LGALS8: variants seen among roughly 807,000 people sequenced by gnomAD.
LGALS8 encodes the protein galectin 8.
In LGALS8, 30 loss-of-function variants were observed where a neutral mutation model predicts 35.9. That is an observed-to-expected ratio of 0.83 (90% confidence interval 0.62 to 1.13). The LOEUF (loss-of-function observed/expected upper bound fraction) is 1.13, where lower values mean the gene tolerates loss of function less well. LGALS8 is among the 50% of genes most tolerant of loss of function. The pLI is 0.00. For missense variants in LGALS8, 366 were observed against 388.7 expected, an observed-to-expected ratio of 0.94 and a Z score of 0.49; for synonymous variants, 138 against 136.1, an observed-to-expected ratio of 1.01 and a Z score of -0.10.
chr1:236,541,057 T>C (rs1661959319), intron 5 of LGALS8, among the ~76,000 whole-genome samples: 1 of 152,246 alleles, frequency 6.6e-6, no homozygotes, highest in African/African-American at 2.4e-5. Flanking sequence ...ATGAACCACA[T>C]ATACAACCGT....
At position 236,549,073 on chromosome 1, in the gene LGALS8, G is replaced by C; in HGVS notation, c.*912G>C. 2.5e-6 allele frequency: 1 copy of C among 398,402 alleles called. No individual in the cohort carries two copies. Among genetic ancestry groups the C allele is most frequent in the Non-Finnish European group, 4.4e-6 (1 of 225,944 alleles). The allele number at this position is 398,402 out of a possible 1,614,324, so 24.7% of individuals were successfully genotyped here. A position where few individuals can be genotyped will look rare whatever the true frequency, so the allele number is the denominator to read the frequency against. On this transcript the variant is annotated 3_prime_UTR_variant, in exon 10 of 10. Coordinates refer to ENST00000366584, the MANE Select transcript of LGALS8 (RefSeq NM_201544.4). ...TTAGACTTCAGGCATTCATAAGGCA[G>C]GCACTATCAGAAAGTGTACGCCAAC...
chr1:236,520,851 C>G (rs1659567357), upstream of LGALS8, among the ~76,000 whole-genome samples: 1 of 152,210 alleles, frequency 6.6e-6, no homozygotes, highest in Non-Finnish European at 1.5e-5. Context: ...TTCCTGAACA[C>G]ATTTAATGCA....
chr1:236,523,884 G>T (rs974819545), upstream of LGALS8: 76 of 348,030 alleles, frequency 2.2e-4, no homozygotes, highest in Middle Eastern at 1.1e-3. Context: ...CACAGAAGGC[G>T]GGGCGCGGGG....
At position 236,551,887 on chromosome 1, in the gene LGALS8, C is replaced by T. The variant is rs1326308808; in HGVS notation, c.*3726C>T. ...GGAGCTGCCTGTATGAGGACTGGAT[C>T]AACTGCTAGTCACGTTATATCCAAA... is the stretch of plus-strand genomic sequence containing the variant. On this transcript the variant is annotated 3_prime_UTR_variant, in exon 10 of 10. Coordinates refer to ENST00000366584, the MANE Select transcript of LGALS8 (RefSeq NM_201544.4). The T allele has an allele frequency of 5.5e-6, 4 of 722,618 alleles. No individual in the cohort carries two copies. Among genetic ancestry groups the T allele is most frequent in the Non-Finnish European group, 9.6e-6 (4 of 416,128 alleles). 44.8% of individuals were successfully genotyped at this position (722,618 alleles called of 1,614,324 possible). A position where few individuals can be genotyped will look rare whatever the true frequency, so the allele number is the denominator to read the frequency against.
At chr1:236,520,555 C>T (rs1233337497), upstream of LGALS8, among the ~76,000 whole-genome samples, 5 of 152,166 alleles carry the variant, frequency 3.3e-5, no homozygotes, top group African/African-American at 1.2e-4. Context: ...GAGTCAGAGT[C>T]AGCAATGACA....
upstream of LGALS8, among the ~76,000 whole-genome samples, chr1:236,519,948 A>ATT (rs35589317): frequency 1.6e-3 from 175 of 109,442 alleles, 2 homozygotes; most frequent in African/African-American, 5.0e-3. Flanking sequence ...GTTTTGTACA[A>ATT]TTTTTTTTTT....
At chr1:236,522,409 G>A (rs958804080), upstream of LGALS8, among the ~76,000 whole-genome samples, 8 of 152,054 alleles carry the variant, frequency 5.3e-5, no homozygotes, top group East Asian at 1.4e-3. Flanking sequence ...TTTGAGACCA[G>A]CCTGGGCAAC....
At chr1:236,544,584 T>C (rs373974424) in intron 8 of LGALS8, among the ~76,000 whole-genome samples, 166 bp from the exon 9 acceptor site, 105 of 152,306 alleles carry the variant, frequency 6.9e-4, no homozygotes, top group African/African-American at 2.5e-3. Flanking sequence ...GAATGCTGAC[T>C]GGGTTTAAAA....
Position 236,552,791 on chromosome 1 carries a change from T to TA in LGALS8, c.*4636dup, listed in dbSNP as rs567759305. 16 of 152,326 alleles carry TA rather than the reference T, an allele frequency of 1.1e-4. No homozygotes were observed. Among genetic ancestry groups the TA allele is most frequent in the African/African-American group, 3.4e-4 (14 of 41,566 alleles). The allele number at this position is 152,326 out of a possible 1,614,324, so 9.4% of individuals were successfully genotyped here. ...ATCTGGACAGTACAAAGTGAATTAT[T>TA]AAAAAACCATTTGTAACTACCTAGA... On this transcript the variant is annotated 3_prime_UTR_variant, in exon 10 of 10. Coordinates refer to ENST00000366584, the MANE Select transcript of LGALS8 (RefSeq NM_201544.4).
At chr1:236,523,973 C>T, upstream of LGALS8, 1 of 380,446 alleles carries the variant, frequency 2.6e-6, no homozygotes, top group South Asian at 1.9e-5. Flanking sequence ...CCCGTAGCCG[C>T]CCACGGACGC....
intron 5 of LGALS8, 24 bp downstream of exon 5, chr1:236,540,707 G>T: frequency 6.3e-7 from 1 of 1,577,310 alleles, no homozygotes; most frequent in Admixed American, 1.9e-5. Context: ...CACAGCTTGG[G>T]GTCTTTTATG....
chr1:236,547,182 C>A (rs550768030), intron 9 of LGALS8, among the ~76,000 whole-genome samples: 1 of 152,324 alleles, frequency 6.6e-6, no homozygotes, highest in Admixed American at 6.5e-5. Context: ...CAGGGCCTCC[C>A]AGTGGCCTTC....
At chr1:236,547,960 CA>C in intron 9 of LGALS8, 51 bp from the exon 10 acceptor site, 1 of 1,538,444 alleles carries the variant, frequency 6.5e-7, no homozygotes, top group South Asian at 1.1e-5. Flanking sequence ...GTAACAAACA[CA>C]AAATTTTAAA....
rs1188622783 is a variant in LGALS8, at chr1:236,549,474, G to T, written c.*1313G>T. 2 of 152,974 alleles carry T rather than the reference G, an allele frequency of 1.3e-5. No homozygotes were observed. The highest frequency in any genetic ancestry group is 4.8e-5 in the African/African-American group (2 of 41,498). 9.5% of individuals were successfully genotyped at this position (152,974 alleles called of 1,614,324 possible). On this transcript the variant is annotated 3_prime_UTR_variant, in exon 10 of 10. Coordinates refer to ENST00000366584, the MANE Select transcript of LGALS8 (RefSeq NM_201544.4). The stretch of plus-strand genomic sequence containing the variant: ...AGGATTTAGGAATATTTTCAGAACA[G>T]ATTTTAGATATTATTTCTATCCATA...
Position 236,538,991 on chromosome 1 carries a change from A to T in LGALS8, c.247A>T (p.Asn83Tyr). 1 of 1,614,172 alleles carries T rather than the reference A, an allele frequency of 6.2e-7. No homozygotes were observed. Among genetic ancestry groups the T allele is most frequent in the Non-Finnish European group, 8.5e-7 (1 of 1,180,044 alleles). ...CTGCATTGTTTGCAATACTTTGATAAATGAAAAATGGGGACGGGAAGAGAT... is the reference window on the plus strand; with the variant it reads ...CTGCATTGTTTGCAATACTTTGATATATGAAAAATGGGGACGGGAAGAGAT... Reference protein sequence around the residue: ...AGCIVCNTLINEKWGREEITY... With the variant: ...AGCIVCNTLIYEKWGREEITY... The change falls in exon 4 of 10, where the codon AAT becomes TAT. Residue 83 changes from asparagine (N) to tyrosine (Y), a missense_variant. By Grantham distance (143) the Asn-to-Tyr change is moderately radical (BLOSUM62 -2). Coordinates refer to ENST00000366584, the MANE Select transcript of LGALS8 (RefSeq NM_201544.4).
rs1355255406 is a variant in LGALS8, at chr1:236,526,184, T to C, written c.45+69T>C. On this transcript the variant is annotated intron_variant, in intron 2 of 9. Transcript: ENST00000366584. This position sits in a 1 kb window ranked among gnomAD's most constrained non-coding sequence, Gnocchi z 4.6. ...GATCCAATAGAATATTAATTATCCA[T>C]TGGGAGACAGGGCAAGAATAAAAGC... 10 of 1,132,598 alleles carry C rather than the reference T, an allele frequency of 8.8e-6. No individual in the cohort carries two copies. The highest frequency in any genetic ancestry group is 4.6e-5 in the African/African-American group (3 of 65,324). 70.2% of individuals were successfully genotyped at this position (1,132,598 alleles called of 1,614,324 possible).
chr1:236,536,283 G>A (rs1479855734), intron 2 of LGALS8: 3 of 152,218 alleles, frequency 2.0e-5, no homozygotes, highest in African/African-American at 4.8e-5. Flanking sequence ...GAGGCTTAAC[G>A]GTGTGTGGGC....
At chr1:236,539,301 A>G in intron 4 of LGALS8, 1 of 568,134 alleles carries the variant, frequency 1.8e-6, no homozygotes, top group South Asian at 2.1e-5. Context: ...ATGCAGAAAT[A>G]TGGTCCACTG....
rs1662591559 is a variant in LGALS8 at position 236,549,090 on chromosome 1, T to A, written c.*929T>A. 1 of 398,104 alleles carries A rather than the reference T, an allele frequency of 2.5e-6. No individual in the cohort carries two copies. Among genetic ancestry groups the A allele is most frequent in the African/African-American group, 2.1e-5 (1 of 48,618 alleles). The allele number at this position is 398,104 out of a possible 1,614,324, so 24.7% of individuals were successfully genotyped here. A position where few individuals can be genotyped will look rare whatever the true frequency, so the allele number is the denominator to read the frequency against. On this transcript the variant is annotated 3_prime_UTR_variant, in exon 10 of 10. Coordinates refer to ENST00000366584, the MANE Select transcript of LGALS8 (RefSeq NM_201544.4). ...ATAAGGCAGGCACTATCAGAAAGTGTACGCCAACTAAGGGACCCACAAAGC... is the reference window on the plus strand; with the variant it reads ...ATAAGGCAGGCACTATCAGAAAGTGAACGCCAACTAAGGGACCCACAAAGC...
Sources: allele counts gnomAD v4.1 joint callset (sites outside exome capture counted in the v4.1 genomes callset), GRCh38; gene constraint gnomAD v4.1.1; non-coding constraint Gnocchi (gnomAD v3.1); transcripts MANE v1.5; gene names NCBI Gene and HGNC (gene_info 2026-07-23, HGNC 2026-07-21).